Variants in TACR3 observed in about 807,000 individuals in gnomAD.
The protein encoded by TACR3 is neuromedin-K receptor.
Under a neutral mutation model 35.0 loss-of-function variants are expected in TACR3, and 34 were observed. The ratio of observed to expected loss-of-function variants is 0.97; its 90% CI spans 0.74 to 1.30. The LOEUF (loss-of-function observed/expected upper bound fraction) is 1.30. Ranked by LOEUF, TACR3 falls within the 50% of genes most tolerant of loss-of-function variation. The pLI, the probability that TACR3 is intolerant of heterozygous loss-of-function variation, is 0.00. For missense variants in TACR3, 558 were observed against 591.7 expected (o/e 0.94, Z 0.59); for synonymous variants, 233 against 221.1 (o/e 1.05, Z -0.48).
At chr4:103,665,253 G>A (rs1000024577) in intron 1 of TACR3, among the ~76,000 whole-genome samples, 3 of 151,550 alleles carry the variant, frequency 2.0e-5, no homozygotes, top group African/African-American at 7.3e-5. Flanking sequence ...ATATGACTAT[G>A]ACTATTCATA....
chr4:103,590,108 G>C, intron 4 of TACR3, 114 bp from the exon 5 acceptor site: 1 of 1,308,310 alleles, frequency 7.6e-7, no homozygotes, highest in African/African-American at 1.5e-5. Context: ...TTTTGAGTTT[G>C]GTTTTTAGCC....
Position 103,586,197 on chromosome 4 carries a change from T to C in TACR3, c.*3485A>G, listed in dbSNP as rs1449655869. The stretch of plus-strand genomic sequence containing the variant: ...AAACTTTATATACATTTACTTCTTA[T>C]ATAAACAGATTTTTCATATATATAT... On this transcript the variant is annotated 3_prime_UTR_variant, in exon 5 of 5. Coordinates refer to ENST00000304883, the MANE Select transcript of TACR3 (RefSeq NM_001059.3). 6 of 151,712 alleles carry C rather than the reference T, an allele frequency of 4.0e-5. No individual in the cohort carries two copies. The highest frequency in any genetic ancestry group is 1.5e-4 in the African/African-American group (6 of 41,236). The allele number at this position is 151,712 out of a possible 1,614,324, so 9.4% of individuals were successfully genotyped here.
intron 3 of TACR3, among the ~76,000 whole-genome samples, chr4:103,604,050 A>T (rs377482583): frequency 6.6e-6 from 1 of 152,228 alleles, no homozygotes; most frequent in Non-Finnish European, 1.5e-5. Flanking sequence ...TTTAAATTTC[A>T]TATGGGACCA....
At chr4:103,685,706 T>C (rs1457770715) in intron 1 of TACR3, among the ~76,000 whole-genome samples, 1 of 151,898 alleles carries the variant, frequency 6.6e-6, no homozygotes, top group Admixed American at 6.6e-5. Context: ...CCAAATATCT[T>C]CTCCCCCAAA....
At chr4:103,683,654 G>T (rs1424656726) in intron 1 of TACR3, among the ~76,000 whole-genome samples, 4 of 151,832 alleles carry the variant, frequency 2.6e-5, no homozygotes, top group African/African-American at 9.7e-5. Context: ...TACCCAAAAT[G>T]AGTTCTATAT....
chr4:103,599,532 C>A lies in TACR3; in HGVS notation c.889-7849G>T, dbSNP rs556692711. On this transcript the variant is annotated intron_variant, in intron 3 of 4. Coordinates refer to ENST00000304883, the MANE Select transcript of TACR3 (RefSeq NM_001059.3). ...GAGAGAGGGCATCCTTGTCTTGTGC[C>A]AGTTTTCAAAAGGAATGCTTCCAGT... Among the ~76,000 whole-genome samples the A allele has an allele frequency of 2.4e-3, 361 of 152,216 alleles. 2 individuals carry two copies. Among genetic ancestry groups the A allele is most frequent in the East Asian group, 7.3e-3 (38 of 5,176 alleles).
chr4:103,596,361 C>T (rs1438659861), intron 3 of TACR3, among the ~76,000 whole-genome samples: 1 of 151,768 alleles, frequency 6.6e-6, no homozygotes, highest in Non-Finnish European at 1.5e-5. Flanking sequence ...GTTTACAGTC[C>T]CACCAACAGT....
At chr4:103,683,265 CAAAT>C (rs924238070) in intron 1 of TACR3, among the ~76,000 whole-genome samples, 14 of 151,280 alleles carry the variant, frequency 9.3e-5, no homozygotes, top group Admixed American at 2.6e-4. Context: ...TAAAAGTTCT[CAAAT>C]AAGTAATCTA....
At chr4:103,712,178 G>A (rs142371219) in intron 1 of TACR3, among the ~76,000 whole-genome samples, 14,537 of 152,120 alleles carry the variant, frequency 0.096, 780 homozygotes, top group South Asian at 0.2. Context: ...AAAAGAGCCC[G>A]CGTTGCCAAG....
chr4:103,629,845 C>CCA lies in TACR3; in HGVS notation c.888+26348_888+26349insTG, dbSNP rs1553969591. Among the ~76,000 whole-genome samples, 14 of 59,560 alleles carry CCA rather than the reference C, an allele frequency of 2.4e-4. No individual in the cohort carries two copies. The East Asian group carries it at 5.2e-3, about 22-fold the overall frequency. The allele number at this position is 59,560 out of a possible 152,430, so 39.1% of individuals were successfully genotyped here. ...CCCACATTGCCAAGACAATCCTAAG[C>CCA]AAAACAAAAAAAAAACAAAAAAAAA... On this transcript the variant is annotated intron_variant, in intron 3 of 4. Transcript: ENST00000304883.
At chr4:103,633,962 A>T (rs1235723749) in intron 3 of TACR3, among the ~76,000 whole-genome samples, 2 of 152,118 alleles carry the variant, frequency 1.3e-5, no homozygotes, top group Non-Finnish European at 2.9e-5. Flanking sequence ...ACCTATCACC[A>T]TGTGAAATAA....
At chr4:103,696,071 G>C (rs1003272329) in intron 1 of TACR3, among the ~76,000 whole-genome samples, 6 of 151,848 alleles carry the variant, frequency 4.0e-5, no homozygotes, top group Admixed American at 3.9e-4. Flanking sequence ...TACAATGTTT[G>C]GTAAATAGAA....
intron 1 of TACR3, among the ~76,000 whole-genome samples, chr4:103,687,302 C>T (rs1722272564): frequency 6.6e-6 from 1 of 152,012 alleles, no homozygotes; most frequent in Non-Finnish European, 1.5e-5. Flanking sequence ...GCTGAATGGG[C>T]AAAAACTGGA....
chr4:103,652,050 G>A (rs781449578), intron 3 of TACR3, among the ~76,000 whole-genome samples: 13 of 152,044 alleles, frequency 8.6e-5, no homozygotes, highest in Non-Finnish European at 1.6e-4. Flanking sequence ...CTGCTGCCTG[G>A]GATTGTGGGG....
chr4:103,599,056 T>A (rs1289599207), intron 3 of TACR3, among the ~76,000 whole-genome samples: 1 of 152,180 alleles, frequency 6.6e-6, no homozygotes, highest in Non-Finnish European at 1.5e-5. Flanking sequence ...GTATGGCCAT[T>A]TTCACAATAT....
In TACR3 at chr4:103,640,970, T is replaced by C. The variant is rs150723723; in HGVS notation, c.888+15224A>G. ...TGCTTTGAGGCTAAACCCAAAAAAA[T>C]AATTATTCAGACAAATGTCATAAAG... On this transcript the variant is annotated intron_variant, in intron 3 of 4. Coordinates refer to ENST00000304883, the MANE Select transcript of TACR3 (RefSeq NM_001059.3). 5.0e-3 allele frequency among the ~76,000 whole-genome samples: 755 copies of C among 152,096 alleles called. 13 individuals carry two copies. Among genetic ancestry groups the C allele is most frequent in the African/African-American group, 0.017 (724 of 41,538 alleles).
At chr4:103,680,508 C>CACATATATATATAT (rs1560528588) in intron 1 of TACR3, among the ~76,000 whole-genome samples, 3 of 145,856 alleles carry the variant, frequency 2.1e-5, no homozygotes, top group South Asian at 4.2e-4. Context: ...CACACACACA[C>CACATATATATATAT]ACACATATAT....
rs1228465213 is a variant in TACR3, at chr4:103,658,328, C to T, written c.624G>A (p.Trp208Ter). 1.2e-6 allele frequency: 2 copies of T among 1,613,782 alleles called. No homozygotes were observed. The highest frequency in any genetic ancestry group is 1.7e-5 in the Admixed American group (1 of 59,940). ...TATKIVIGSI[W>*]ILAFLLAFPQ... ...GGAAGGCAAGTAGAAATGCTAGAAT[C>T]CAAATACTTCCAATGACAATCTTGG... The change falls in exon 2 of 5, where the codon TGG becomes TGA. Residue 208 changes from tryptophan to a stop codon, truncating the protein, a stop_gained. Transcript: ENST00000304883. LOFTEE classifies it high-confidence loss of function.
chr4:103,640,854 G>A (rs1446475068), intron 3 of TACR3, among the ~76,000 whole-genome samples: 1 of 151,810 alleles, frequency 6.6e-6, no homozygotes, highest in East Asian at 1.9e-4. Context: ...CCAAAGGATT[G>A]GACACCCCTG....
Sources: allele counts gnomAD v4.1 joint callset (sites outside exome capture counted in the v4.1 genomes callset), GRCh38; gene constraint gnomAD v4.1.1; transcripts MANE v1.5; gene names NCBI Gene and HGNC (gene_info 2026-07-23, HGNC 2026-07-21).